The following FREM3 variants were observed in gnomAD, a reference collection of about 807,000 sequenced individuals.
FREM3 encodes the protein FRAS1 related extracellular matrix 3, also known as FRAS1-related extracellular matrix protein 3.
In FREM3, 105 loss-of-function variants were observed where a neutral mutation model predicts 129.1. That is an observed-to-expected ratio of 0.81 (90% CI 0.69 to 0.96). The LOEUF is 0.96. FREM3 is among the 40% of genes least tolerant of loss of function. The probability of loss-of-function intolerance (pLI) is 0.00; values close to 1 mark genes in which losing one functional copy is unlikely to be tolerated. For missense variants in FREM3, 2,593 were observed against 2,666.3 expected, an observed-to-expected ratio of 0.97 and a Z score of 0.61; for synonymous variants, 1,014 against 1,044.9, an observed-to-expected ratio of 0.97 and a Z score of 0.57.
chr4:143,588,359 C>A lies in FREM3; in HGVS notation c.6029-2366G>T, dbSNP rs193179501. 5.1e-4 allele frequency among the ~76,000 whole-genome samples: 78 copies of A among 152,082 alleles called. No individual in the cohort carries two copies. The East Asian group carries it at 0.014, about 28-fold the overall frequency. On this transcript the variant is annotated intron_variant, in intron 6 of 7. Transcript: ENST00000329798. ...CTGTACCCATTAACTCATCATTTAG[C>A]ATTAGGTATATCTCCTAATGCTATC... is the stretch of plus-strand genomic sequence containing the variant.
At chr4:143,679,064 G>T (rs1433829881) in intron 2 of FREM3, among the ~76,000 whole-genome samples, 2 of 152,116 alleles carry the variant, frequency 1.3e-5, no homozygotes, top group African/African-American at 4.8e-5. Context: ...TTTAATTGTT[G>T]TTTAACCATG....
intron 6 of FREM3, among the ~76,000 whole-genome samples, chr4:143,591,481 C>T (rs951732696): frequency 2.6e-5 from 4 of 152,148 alleles, no homozygotes; most frequent in African/African-American, 4.8e-5. Flanking sequence ...TCATTTCTGC[C>T]TTCATTTCGT....
Position 143,585,531 on chromosome 4 carries a change from G to A in FREM3, c.6178+313C>T, listed in dbSNP as rs1172324385. 6.6e-6 allele frequency among the ~76,000 whole-genome samples: 1 copy of A among 152,116 alleles called. No individual in the cohort carries two copies. The highest frequency in any genetic ancestry group is 2.4e-5 in the African/African-American group (1 of 41,414). On this transcript the variant is annotated intron_variant, in intron 7 of 7. Coordinates refer to ENST00000329798, the MANE Select transcript of FREM3 (RefSeq NM_001168235.2). This position sits in a 1 kb window ranked among gnomAD's most constrained non-coding sequence, Gnocchi z 4.2. ...TTGGGACTTGCTTGGCCATTATGGG[G>A]GTAATTTCATCTGAAATATTGTTTA...
chr4:143,665,151 G>A (rs938808877), intron 2 of FREM3, among the ~76,000 whole-genome samples: 5 of 152,054 alleles, frequency 3.3e-5, no homozygotes, highest in African/African-American at 1.2e-4. Flanking sequence ...TACCTCAGAT[G>A]GAAATGCAGA....
At chr4:143,685,678 A>C (rs1444284815) in intron 2 of FREM3, among the ~76,000 whole-genome samples, 1 of 152,260 alleles carries the variant, frequency 6.6e-6, no homozygotes. Context: ...ACATTTCAAT[A>C]CTTACATTGA....
chr4:143,695,074 A>G (rs1740540069), intron 1 of FREM3, among the ~76,000 whole-genome samples: 1 of 152,240 alleles, frequency 6.6e-6, no homozygotes, highest in Non-Finnish European at 1.5e-5. Context: ...AGGAATTTAT[A>G]TCCAAAATCT....
chr4:143,634,804 A>C (rs893686576), intron 2 of FREM3, among the ~76,000 whole-genome samples: 20 of 151,948 alleles, frequency 1.3e-4, no homozygotes, highest in Non-Finnish European at 2.9e-4. Flanking sequence ...GGGAATTGTG[A>C]GGGGGTGTGG....
At position 143,696,891 on chromosome 4, in the gene FREM3, T is replaced by A; in HGVS notation, c.3785A>T (p.Glu1262Val). ...ATGCTCATACACAATGGTGGAGGCC[T>A]CCTGGATCTCCTTGAGGGTGAAGCT... ...IHSFTLKEIQEASTIVYEHDD... is the reference protein window; with the variant it reads ...IHSFTLKEIQVASTIVYEHDD... Residue 1262 changes from glutamate (E) to valine (V), a missense_variant, in exon 1 of 8, where the codon GAG becomes GTG. Transcript: ENST00000329798. The A allele has an allele frequency of 6.5e-7, 1 of 1,537,706 alleles. No homozygotes were observed. Among genetic ancestry groups the A allele is most frequent in the Non-Finnish European group, 8.7e-7 (1 of 1,147,014 alleles).
At chr4:143,618,989 CT>C (rs910176819) in intron 5 of FREM3, among the ~76,000 whole-genome samples, 3 of 152,154 alleles carry the variant, frequency 2.0e-5, no homozygotes, top group African/African-American at 7.2e-5. Context: ...CTCCCACTAG[CT>C]TCCTTATAGA....
At chr4:143,597,173 A>G (rs1010985570) in intron 6 of FREM3, among the ~76,000 whole-genome samples, 3 of 152,176 alleles carry the variant, frequency 2.0e-5, no homozygotes, top group Non-Finnish European at 4.4e-5. Context: ...CAAGCAAAAA[A>G]TCGTTGGCGA....
chr4:143,639,451 A>G (rs988705928), intron 2 of FREM3, among the ~76,000 whole-genome samples: 1 of 152,054 alleles, frequency 6.6e-6, no homozygotes, highest in African/African-American at 2.4e-5. Flanking sequence ...CATCCCTCAG[A>G]TGAGGGAGTG....
intron 2 of FREM3, among the ~76,000 whole-genome samples, chr4:143,666,366 C>T (rs1051609048): frequency 2.0e-5 from 3 of 152,058 alleles, no homozygotes; most frequent in Non-Finnish European, 2.9e-5. Flanking sequence ...GAATGAGATA[C>T]AGAAATTCTA....
intron 2 of FREM3, among the ~76,000 whole-genome samples, chr4:143,658,600 A>G (rs951424859): frequency 1.2e-4 from 19 of 152,366 alleles, no homozygotes; most frequent in Admixed American, 4.6e-4. Flanking sequence ...TATCGACATC[A>G]GTTAGAACAA....
chr4:143,604,217 A>G (rs1054762023), intron 6 of FREM3, among the ~76,000 whole-genome samples: 1 of 152,134 alleles, frequency 6.6e-6, no homozygotes, highest in Non-Finnish European at 1.5e-5. Context: ...GGCCCTCACC[A>G]GAAGCAGATG....
At position 143,605,635 on chromosome 4, in the gene FREM3, G is replaced by T. The variant is rs572247460; in HGVS notation, c.6028+5644C>A. Among the ~76,000 whole-genome samples, 6 of 152,212 alleles carry T rather than the reference G, an allele frequency of 3.9e-5. No homozygotes were observed. In the South Asian group the frequency reaches 1.2e-3, roughly 32 times the overall value. On this transcript the variant is annotated intron_variant, in intron 6 of 7. Coordinates refer to ENST00000329798, the MANE Select transcript of FREM3 (RefSeq NM_001168235.2). ...AAGTGGTTTGCCAGGATATGCACTG[G>T]ATTAATTAAGAAAGTGGTGATTATA... is the stretch of plus-strand genomic sequence containing the variant.
At chr4:143,613,807 G>A (rs943270295) in intron 5 of FREM3, among the ~76,000 whole-genome samples, 2 of 152,234 alleles carry the variant, frequency 1.3e-5, no homozygotes, top group African/African-American at 2.4e-5. Context: ...TCCTCAGGAC[G>A]AATGCCAAAA....
At chr4:143,597,836 A>G (rs1738509362) in intron 6 of FREM3, among the ~76,000 whole-genome samples, 1 of 152,228 alleles carries the variant, frequency 6.6e-6, no homozygotes, top group South Asian at 2.1e-4. Flanking sequence ...AAGGCAATCT[A>G]CAGATTCAAA....
At chr4:143,611,608 A>AT in intron 5 of FREM3, 81 bp from the exon 6 acceptor site, 1 of 1,250,098 alleles carries the variant, frequency 8.0e-7, no homozygotes, top group Non-Finnish European at 1.1e-6. Context: ...TCTTTAATGT[A>AT]TTTTTAGATA....
At chr4:143,606,029 T>C (rs761475193) in intron 6 of FREM3, among the ~76,000 whole-genome samples, 11 of 152,168 alleles carry the variant, frequency 7.2e-5, no homozygotes, top group Non-Finnish European at 1.6e-4. Context: ...CCAGCCCCTT[T>C]TATTTCAGTT....
Sources: allele counts gnomAD v4.1 joint callset (sites outside exome capture counted in the v4.1 genomes callset), GRCh38; gene constraint gnomAD v4.1.1; non-coding constraint Gnocchi (gnomAD v3.1); transcripts MANE v1.5; gene names NCBI Gene and HGNC (gene_info 2026-07-23, HGNC 2026-07-21).